The following KCNK2 variants were observed in gnomAD, a reference collection of about 807,000 sequenced individuals.
The protein encoded by KCNK2 is potassium two pore domain channel subfamily K member 2, also known as potassium channel subfamily K member 2.
A neutral mutation model predicts 40.5 loss-of-function variants in KCNK2; 21 were observed. The ratio of observed to expected loss-of-function variants is 0.52; its 90% CI spans 0.37 to 0.75. KCNK2 has a LOEUF of 0.75. Ranked by LOEUF, KCNK2 falls within the 30% of genes least tolerant of loss-of-function variation. KCNK2 has a pLI of 0.00. For missense variants in KCNK2, 399 were observed against 531.6 expected (o/e 0.75, Z 2.45); for synonymous variants, 191 against 202.2 (o/e 0.94, Z 0.47).
At chr1:215,110,707 C>T (rs112139199) in intron 2 of KCNK2, among the ~76,000 whole-genome samples, 2 of 151,316 alleles carry the variant, frequency 1.3e-5, no homozygotes, top group African/African-American at 4.8e-5. Flanking sequence ...AGGTTCGTGG[C>T]AAAATTGAAC....
intron 2 of KCNK2, among the ~76,000 whole-genome samples, chr1:215,114,530 C>A (rs1298287785): frequency 6.6e-6 from 1 of 152,116 alleles, no homozygotes; most frequent in East Asian, 1.9e-4. Flanking sequence ...TTTGCTATAA[C>A]TGGTGAGTGT....
intron 5 of KCNK2, among the ~76,000 whole-genome samples, chr1:215,186,112 TATG>T (rs2102654138): frequency 1.3e-5 from 2 of 152,300 alleles, no homozygotes; most frequent in Admixed American, 1.3e-4. Flanking sequence ...GTAGATTTTC[TATG>T]ATAAGAGAAC....
At position 215,083,195 on chromosome 1, in the gene KCNK2, C is replaced by CCCCCCCT; in HGVS notation, c.-185_-184insTCCCCCC. The CCCCCCCT allele has an allele frequency of 8.5e-5, 19 of 224,722 alleles. No individual in the cohort carries two copies. The highest frequency in any genetic ancestry group is 3.1e-4 in the South Asian group (5 of 16,110). The allele number at this position is 224,722 out of a possible 1,614,324, so 13.9% of individuals were successfully genotyped here. A position where few individuals can be genotyped will look rare whatever the true frequency, so the allele number is the denominator to read the frequency against. ...CCGCGATTTCGTTTCTTCTCACGCT[C>CCCCCCCT]CCCCCCCCGCCCCCTCCCGCGTCCA... On this transcript the variant is annotated 5_prime_UTR_variant, in exon 1 of 7. Coordinates refer to ENST00000444842, the MANE Select transcript of KCNK2 (RefSeq NM_001017425.3).
chr1:215,195,108 T>C lies in KCNK2; in HGVS notation c.963+16T>C. On this transcript the variant is annotated intron_variant, in intron 6 of 6. Coordinates refer to ENST00000444842, the MANE Select transcript of KCNK2 (RefSeq NM_001017425.3). ...AAAAGAAGAGGTGAGAATTAAGAAGTGTGCAAAAAACTTCTATTTAGTTAA... is the reference window on the plus strand; with the variant it reads ...AAAAGAAGAGGTGAGAATTAAGAAGCGTGCAAAAAACTTCTATTTAGTTAA... The C allele has an allele frequency of 6.4e-7, 1 of 1,569,392 alleles. No individual in the cohort carries two copies. Among genetic ancestry groups the C allele is most frequent in the Non-Finnish European group, 8.6e-7 (1 of 1,158,320 alleles).
chr1:215,084,021 G>C (rs1398698174), intron 1 of KCNK2, among the ~76,000 whole-genome samples: 1 of 152,116 alleles, frequency 6.6e-6, no homozygotes, highest in Non-Finnish European at 1.5e-5. Context: ...CTGTATTAAA[G>C]ATAAAAGTCT....
At chr1:215,204,882 T>A (rs531629346) in intron 6 of KCNK2, among the ~76,000 whole-genome samples, 1 of 152,284 alleles carries the variant, frequency 6.6e-6, no homozygotes, top group Admixed American at 6.5e-5. Context: ...ATGATTTGTT[T>A]AGCTTTCAGT....
At chr1:215,111,131 C>G (rs1241996715) in intron 2 of KCNK2, among the ~76,000 whole-genome samples, 1 of 152,104 alleles carries the variant, frequency 6.6e-6, no homozygotes, top group Non-Finnish European at 1.5e-5. Context: ...GTAGTATGCA[C>G]TTAACGTTTT....
chr1:215,208,121 T>C (rs959886987), intron 6 of KCNK2, among the ~76,000 whole-genome samples: 1 of 152,170 alleles, frequency 6.6e-6, no homozygotes, highest in Non-Finnish European at 1.5e-5. Context: ...GGAATCAATG[T>C]AACTGCCCAT....
At chr1:215,070,485 G>A (rs990187763) in intron 1 of KCNK2, among the ~76,000 whole-genome samples, 2 of 151,808 alleles carry the variant, frequency 1.3e-5, no homozygotes, top group Non-Finnish European at 2.9e-5. Context: ...CCACATGGCT[G>A]GGGAGGCCTC....
chr1:215,149,465 T>A (rs1662588627), intron 3 of KCNK2, among the ~76,000 whole-genome samples: 1 of 152,162 alleles, frequency 6.6e-6, no homozygotes, highest in African/African-American at 2.4e-5. Flanking sequence ...GACAATCTTC[T>A]ATGAAAAGAT....
At chr1:215,177,812 A>G (rs1401605372) in intron 5 of KCNK2, among the ~76,000 whole-genome samples, 2 of 146,010 alleles carry the variant, frequency 1.4e-5, no homozygotes, top group Non-Finnish European at 3.0e-5. Context: ...AAGTCGAGTA[A>G]TGTGATGTCT....
At chr1:215,069,137 C>T (rs1658661989) in intron 1 of KCNK2, among the ~76,000 whole-genome samples, 1 of 152,200 alleles carries the variant, frequency 6.6e-6, no homozygotes, top group Non-Finnish European at 1.5e-5. Flanking sequence ...GTGGCATCCT[C>T]ACATCTTTAA....
At chr1:215,056,770 C>G (rs375424872) in intron 1 of KCNK2, among the ~76,000 whole-genome samples, 1 of 151,772 alleles carries the variant, frequency 6.6e-6, no homozygotes, top group South Asian at 2.1e-4. Context: ...ACTCTATTTT[C>G]GAGGCAGGAT....
intron 2 of KCNK2, 108 bp downstream of exon 2, chr1:215,086,786 T>A: frequency 1.1e-6 from 1 of 936,660 alleles, no homozygotes; most frequent in Non-Finnish European, 1.6e-6. Context: ...GTGGGAGCCC[T>A]ATCCCACCTC....
chr1:215,198,634 A>G (rs181405653), intron 6 of KCNK2, among the ~76,000 whole-genome samples: 15 of 152,302 alleles, frequency 9.8e-5, no homozygotes, highest in Non-Finnish European at 1.8e-4. Flanking sequence ...TGACTGCTCA[A>G]TAGATATTCC....
chr1:215,086,645 T>C lies in KCNK2; in HGVS notation c.324T>C (p.Cys108=). Reference sequence around the variant, plus strand: ...AAACATTCATATCCCAACATTCCTGTGTCAATTCGACGGAGCTGGATGAAC... The same window carrying C: ...AAACATTCATATCCCAACATTCCTGCGTCAATTCGACGGAGCTGGATGAAC... ...QKQTFISQHS[C]VNSTELDELI... Residue 108 remains cysteine (C), a synonymous_variant, in exon 2 of 7, where the codon TGT becomes TGC. Transcript: ENST00000444842. The C allele has an allele frequency of 1.9e-6, 3 of 1,614,116 alleles. No homozygotes were observed. Among genetic ancestry groups the C allele is most frequent in the Admixed American group, 1.7e-5 (1 of 60,020 alleles).
chr1:215,189,550 GAC>G (rs1163139941), intron 5 of KCNK2, among the ~76,000 whole-genome samples: 2 of 152,026 alleles, frequency 1.3e-5, no homozygotes, highest in Non-Finnish European at 2.9e-5. Flanking sequence ...TACCTACAGG[GAC>G]ACGGACAACT....
intron 5 of KCNK2, 79 bp from the exon 6 acceptor site, chr1:215,194,874 G>A: frequency 7.4e-7 from 1 of 1,345,910 alleles, no homozygotes; most frequent in South Asian, 1.3e-5. Flanking sequence ...CCAAAATTTA[G>A]TTAGTAATTT....
chr1:215,168,551 C>T (rs1207984121), intron 3 of KCNK2, among the ~76,000 whole-genome samples: 3 of 152,124 alleles, frequency 2.0e-5, no homozygotes, highest in Admixed American at 6.6e-5. Context: ...ATGTCCTTTG[C>T]AGGGACATGG....
Sources: gnomAD v4.1 joint callset for allele counts (sites outside exome capture counted in the v4.1 genomes callset) on GRCh38, gnomAD v4.1.1 for gene constraint, MANE v1.5 for transcripts, NCBI Gene and HGNC (gene_info 2026-07-23, HGNC 2026-07-21) for gene names.